PRKX: variants seen among roughly 807,000 people sequenced by gnomAD.
The protein encoded by PRKX is protein kinase cAMP-dependent X-linked catalytic subunit.
Under a neutral mutation model 22.0 loss-of-function variants are expected in PRKX, and 12 were observed. That is an observed-to-expected ratio of 0.54 (90% CI 0.35 to 0.88). PRKX has a LOEUF of 0.88. PRKX is among the 40% of genes least tolerant of loss of function. The pLI, the probability that PRKX is intolerant of heterozygous loss-of-function variation, is 0.01. For synonymous variants in PRKX, 134 were observed against 137.7 expected, an observed-to-expected ratio of 0.97 and a Z score of 0.19; for missense variants, 217 against 308.0, an observed-to-expected ratio of 0.70 and a Z score of 2.21.
intron 5 of PRKX, among the ~76,000 whole-genome samples, chrX:3,625,870 C>T (rs570115016): frequency 1.8e-4 from 20 of 111,879 alleles, no homozygotes; most frequent in African/African-American, 5.5e-4. Context: ...CACGCCCAGC[C>T]GCGTTCTTAT....
At chrX:3,693,857 G>A (rs1218164365) in intron 1 of PRKX, among the ~76,000 whole-genome samples, 4 of 102,352 alleles carry the variant, frequency 3.9e-5, no homozygotes, top group African/African-American at 7.2e-5. Flanking sequence ...GGAGAATGGC[G>A]TGAACCCGGG....
intron 6 of PRKX, among the ~76,000 whole-genome samples, chrX:3,616,127 G>A (rs751929388): frequency 5.3e-4 from 59 of 111,314 alleles, no homozygotes; most frequent in African/African-American, 1.6e-3. Flanking sequence ...CTGCTCCTGT[G>A]CAATGCATTT....
intron 4 of PRKX, among the ~76,000 whole-genome samples, chrX:3,632,771 G>C (rs1926811443): frequency 8.9e-6 from 1 of 112,177 alleles, no homozygotes; most frequent in African/African-American, 3.2e-5. Context: ...TAAACATACA[G>C]ACTGCTTCCA....
At chrX:3,618,470 T>G (rs373082001) in intron 6 of PRKX, among the ~76,000 whole-genome samples, 9,689 of 109,651 alleles carry the variant, frequency 0.088, 357 homozygotes, top group Middle Eastern at 0.15. Context: ...AATTTTTTTC[T>G]TAGATCTTAA....
At chrX:3,630,362 C>T (rs925965111) in intron 4 of PRKX, among the ~76,000 whole-genome samples, 2 of 111,261 alleles carry the variant, frequency 1.8e-5, no homozygotes, top group Admixed American at 9.6e-5. Context: ...AGATCGAGAC[C>T]ATCCTGGCTA....
intron 1 of PRKX, among the ~76,000 whole-genome samples, chrX:3,685,326 TTCTC>T (rs1445923850): frequency 9.3e-6 from 1 of 107,311 alleles, no homozygotes; most frequent in Admixed American, 1.0e-4. Context: ...CCTTCCCTCC[TTCTC>T]TCTTTCTCTC....
chrX:3,663,184 T>C (rs1190549520), intron 2 of PRKX, among the ~76,000 whole-genome samples: 1 of 106,812 alleles, frequency 9.4e-6, no homozygotes, highest in Non-Finnish European at 1.9e-5. Context: ...CAGGAAGGGG[T>C]GAGTTCAGCA....
chrX:3,617,302 A>G (rs1327359953), intron 6 of PRKX, among the ~76,000 whole-genome samples: 1 of 110,565 alleles, frequency 9.0e-6, no homozygotes, highest in East Asian at 2.8e-4. Flanking sequence ...ATATGTATAT[A>G]CCGAGATTCA....
chrX:3,679,445 G>C (rs1306518063), intron 1 of PRKX, among the ~76,000 whole-genome samples: 2 of 112,625 alleles, frequency 1.8e-5, no homozygotes, highest in Non-Finnish European at 3.7e-5. Context: ...AAGCTTTAAG[G>C]GGAAAGCTTA....
At chrX:3,663,851 CAG>C (rs1292348642) in intron 2 of PRKX, among the ~76,000 whole-genome samples, 2 of 110,780 alleles carry the variant, frequency 1.8e-5, no homozygotes, top group Admixed American at 9.7e-5. Flanking sequence ...GCAGAAGGCT[CAG>C]AGAGTGGTCA....
chrX:3,647,690 T>C (rs1927218371), intron 3 of PRKX, among the ~76,000 whole-genome samples: 2 of 109,397 alleles, frequency 1.8e-5, no homozygotes, highest in Non-Finnish European at 3.8e-5. Context: ...TATGATTTTA[T>C]ATGTATGATT....
chrX:3,605,101 G>A lies in PRKX; in HGVS notation c.*3868C>T, dbSNP rs771672267. 2 of 108,764 alleles carry A rather than the reference G, an allele frequency of 1.8e-5. No individual in the cohort carries two copies. The highest frequency in any genetic ancestry group is 4.2e-4 in the South Asian group (1 of 2,380). The allele number at this position is 108,764 out of a possible 1,213,427, so 9.0% of individuals were successfully genotyped here. On this transcript the variant is annotated 3_prime_UTR_variant, in exon 9 of 9. Transcript: ENST00000262848. Reference sequence around the variant, plus strand: ...TCCAAATGCATTAAGACACCTGTTCGTGTGCTTTTCTTCTTGCTTTTGTTA... The same window carrying A: ...TCCAAATGCATTAAGACACCTGTTCATGTGCTTTTCTTCTTGCTTTTGTTA...
chrX:3,702,840 T>G (rs12845114), intron 1 of PRKX, among the ~76,000 whole-genome samples: 4,682 of 108,385 alleles, frequency 0.043, 258 homozygotes, highest in African/African-American at 0.15. Context: ...ACCACAGGCA[T>G]GCGTCCCCAT....
At chrX:3,675,806 T>C (rs2146595762) in intron 1 of PRKX, among the ~76,000 whole-genome samples, 1 of 111,745 alleles carries the variant, frequency 8.9e-6, no homozygotes, top group South Asian at 3.7e-4. Context: ...GTAGCATAAA[T>C]GTTCTTGGGT....
At chrX:3,663,270 G>A (rs1603474276) in intron 2 of PRKX, among the ~76,000 whole-genome samples, 1 of 109,487 alleles carries the variant, frequency 9.1e-6, no homozygotes, top group East Asian at 2.9e-4. Context: ...CATCATTGAT[G>A]TGGATGGGCT....
intron 1 of PRKX, among the ~76,000 whole-genome samples, chrX:3,689,778 C>T (rs183315739): frequency 1.1e-3 from 118 of 111,741 alleles, no homozygotes; most frequent in East Asian, 2.3e-3. Flanking sequence ...GAGATCGAGA[C>T]CATCCTGGCT....
intron 3 of PRKX, among the ~76,000 whole-genome samples, chrX:3,650,036 G>C (rs1485741286): frequency 9.1e-6 from 1 of 110,214 alleles, no homozygotes; most frequent in East Asian, 2.9e-4. Context: ...CTACTTGGGA[G>C]GCTGAGAGAC....
At chrX:3,614,355 G>A (rs1432882587) in intron 7 of PRKX, among the ~76,000 whole-genome samples, 3 of 111,673 alleles carry the variant, frequency 2.7e-5, no homozygotes, top group Non-Finnish European at 5.6e-5. Flanking sequence ...ACAAAAATTA[G>A]CTGGGCGTCT....
Position 3,689,741 on chromosome X carries a change from GCCA to G in PRKX, c.167-14978_167-14976del, listed in dbSNP as rs1569061086. 2.7e-5 allele frequency among the ~76,000 whole-genome samples: 3 copies of G among 111,712 alleles called. No homozygotes were observed. In the East Asian group the frequency reaches 8.5e-4, roughly 31 times the overall value. On this transcript the variant is annotated intron_variant, in intron 1 of 8. Transcript: ENST00000262848. Reference sequence around the variant, plus strand: ...ACCTGTAATCCCAACACTTTGGGAGGCCAAGGCGGGCGGATCACAAGGTCAGGA... The same window carrying G: ...ACCTGTAATCCCAACACTTTGGGAGGAGGCGGGCGGATCACAAGGTCAGGA...
Sources: gnomAD v4.1 joint callset for allele counts (sites outside exome capture counted in the v4.1 genomes callset) on GRCh38, gnomAD v4.1.1 for gene constraint, MANE v1.5 for transcripts, NCBI Gene and HGNC (gene_info 2026-07-23, HGNC 2026-07-21) for gene names.